The following ASIC2 variants were observed in gnomAD, a reference collection of about 807,000 sequenced individuals.
The protein encoded by ASIC2 is acid-sensing ion channel 2.
A neutral mutation model predicts 57.3 loss-of-function variants in ASIC2; 25 were observed. That is an observed-to-expected ratio of 0.44 (90% CI 0.32 to 0.61). The LOEUF is 0.61. Ranked by LOEUF, ASIC2 falls within the 20% of genes least tolerant of loss-of-function variation. ASIC2 has a pLI of 0.06. For missense variants in ASIC2, 641 were observed against 738.1 expected (o/e 0.87, Z 1.52); for synonymous variants, 319 against 307.5 (o/e 1.04, Z -0.39).
chr17:33,644,842 A>G (rs1906690325), intron 1 of ASIC2, among the ~76,000 whole-genome samples: 1 of 152,208 alleles, frequency 6.6e-6, no homozygotes, highest in African/African-American at 2.4e-5. Flanking sequence ...TTGTGTGTTC[A>G]TTGGCTTGAT....
chr17:33,472,221 T>C (rs1913077579), intron 1 of ASIC2, among the ~76,000 whole-genome samples: 1 of 152,082 alleles, frequency 6.6e-6, no homozygotes, highest in South Asian at 2.1e-4. Flanking sequence ...GGTTTCATCA[T>C]GTTGGCCAGT....
chr17:33,075,343 T>C (rs1345848722), intron 3 of ASIC2, among the ~76,000 whole-genome samples: 1 of 152,174 alleles, frequency 6.6e-6, no homozygotes, highest in Non-Finnish European at 1.5e-5. Context: ...TTTTTCTTTA[T>C]AAAGTACCCA....
chr17:33,274,804 C>G (rs12452394), intron 1 of ASIC2, among the ~76,000 whole-genome samples: 50,887 of 151,872 alleles, frequency 0.34, 8,653 homozygotes, highest in Admixed American at 0.41. Flanking sequence ...AGGCCCAGAG[C>G]GGGCAGCTAA....
intron 1 of ASIC2, among the ~76,000 whole-genome samples, chr17:33,918,566 T>G (rs1416138039): frequency 6.6e-6 from 1 of 152,182 alleles, no homozygotes; most frequent in African/African-American, 2.4e-5. Flanking sequence ...AACTTGGTTA[T>G]GAATTATCAA....
At chr17:33,789,715 T>A (rs537877080) in intron 1 of ASIC2, among the ~76,000 whole-genome samples, 43 of 152,342 alleles carry the variant, frequency 2.8e-4, no homozygotes, top group African/African-American at 1.0e-3. Context: ...AGTCTTGGCA[T>A]CTGGCTAAGG....
At chr17:33,593,568 G>A (rs80189610) in intron 1 of ASIC2, among the ~76,000 whole-genome samples, 5,608 of 152,232 alleles carry the variant, frequency 0.037, 121 homozygotes, top group Middle Eastern at 0.058. Flanking sequence ...TTCTCTCTGG[G>A]CCTTGGTGAA....
intron 1 of ASIC2, among the ~76,000 whole-genome samples, chr17:33,474,197 T>C (rs746977489): frequency 1.3e-5 from 2 of 152,116 alleles, no homozygotes; most frequent in Non-Finnish European, 2.9e-5. Flanking sequence ...TGAAACCCCA[T>C]CTCTACTAAA....
intron 1 of ASIC2, among the ~76,000 whole-genome samples, chr17:33,754,954 T>A (rs1356148342): frequency 6.2e-5 from 3 of 48,384 alleles, no homozygotes; most frequent in South Asian, 6.6e-4. Flanking sequence ...CGAGACTCCA[T>A]CTCAAAAAAA....
At chr17:33,180,747 A>G (rs1459473984) in intron 1 of ASIC2, among the ~76,000 whole-genome samples, 4 of 152,046 alleles carry the variant, frequency 2.6e-5, no homozygotes, top group Non-Finnish European at 5.9e-5. Context: ...GATGCTTCCT[A>G]TTGACCAGAC....
chr17:34,045,276 G>A (rs1908294024), intron 1 of ASIC2, among the ~76,000 whole-genome samples: 1 of 152,124 alleles, frequency 6.6e-6, no homozygotes, highest in Admixed American at 6.5e-5. Flanking sequence ...CCCATGTAAG[G>A]CAAACTAAAA....
At chr17:33,626,013 A>G (rs1294438055) in intron 1 of ASIC2, among the ~76,000 whole-genome samples, 1 of 152,222 alleles carries the variant, frequency 6.6e-6, no homozygotes, top group Admixed American at 6.5e-5. Flanking sequence ...GAAAAGGAGA[A>G]TTGGAAGAAG....
chr17:33,639,280 A>G lies in ASIC2; in HGVS notation c.555+516698T>C, dbSNP rs949640746. Among the ~76,000 whole-genome samples, 8 of 152,106 alleles carry G rather than the reference A, an allele frequency of 5.3e-5. No homozygotes were observed. The South Asian group carries it at 8.3e-4, about 16-fold the overall frequency. The stretch of plus-strand genomic sequence containing the variant: ...TGTAGCATGTGGAAAATCATTATTG[A>G]GAAATGTGACCAGACAAAGAGATTT... On this transcript the variant is annotated intron_variant, in intron 1 of 9. Transcript: ENST00000359872.
intron 1 of ASIC2, chr17:33,131,833 T>C (rs1449407886): frequency 6.6e-6 from 1 of 152,142 alleles, no homozygotes; most frequent in Non-Finnish European, 1.5e-5. Flanking sequence ...ACACGCCTAA[T>C]GGTGCGTTTT....
chr17:34,144,651 T>C (rs1465673796), intron 1 of ASIC2, among the ~76,000 whole-genome samples: 1 of 152,236 alleles, frequency 6.6e-6, no homozygotes, highest in East Asian at 1.9e-4. Flanking sequence ...ATTTAATAGA[T>C]GAGGATATTG....
chr17:33,686,272 A>C (rs555149245), intron 1 of ASIC2, among the ~76,000 whole-genome samples: 1 of 152,046 alleles, frequency 6.6e-6, no homozygotes, highest in African/African-American at 2.4e-5. Context: ...ATAAAATCAC[A>C]CTGTATTGGG....
At chr17:33,801,856 C>T (rs1269232773) in intron 1 of ASIC2, among the ~76,000 whole-genome samples, 5 of 152,136 alleles carry the variant, frequency 3.3e-5, no homozygotes, top group African/African-American at 1.2e-4. Context: ...GCCTACTGTA[C>T]CGGACAGCAC....
chr17:33,549,344 CTGA>C (rs1260510846), intron 1 of ASIC2, among the ~76,000 whole-genome samples: 1 of 152,132 alleles, frequency 6.6e-6, no homozygotes, highest in African/African-American at 2.4e-5. Flanking sequence ...CAAAGCTTTG[CTGA>C]TGATGATCTT....
At chr17:33,186,557 G>C (rs1249931918) in intron 1 of ASIC2, among the ~76,000 whole-genome samples, 2 of 152,172 alleles carry the variant, frequency 1.3e-5, no homozygotes, top group Non-Finnish European at 2.9e-5. Context: ...AGCTCACAAT[G>C]GGTCGTAAAG....
rs992983365 is a variant in ASIC2, at chr17:33,220,301, T to C, written c.708+71107A>G. 4.6e-5 allele frequency among the ~76,000 whole-genome samples: 7 copies of C among 152,320 alleles called. No homozygotes were observed. The East Asian group carries it at 9.6e-4, about 21-fold the overall frequency. ...TGGAAAGGCCTTCCTTCTATTGACA[T>C]GAAATATACTTCCAGCAGTTTTTGC... On this transcript the variant is annotated intron_variant, in intron 1 of 9. Coordinates refer to ENST00000225823, the MANE Select transcript of ASIC2 (RefSeq NM_183377.2).
Sources: gnomAD v4.1 joint callset for allele counts (sites outside exome capture counted in the v4.1 genomes callset) on GRCh38, gnomAD v4.1.1 for gene constraint, MANE v1.5 for transcripts, NCBI Gene and HGNC (gene_info 2026-07-23, HGNC 2026-07-21) for gene names.